The following EYA2 variants were observed in gnomAD, a reference collection of about 807,000 sequenced individuals.
EYA2 encodes protein phosphatase EYA2.
A neutral mutation model predicts 69.2 loss-of-function variants in EYA2; 31 were observed. The observed-to-expected ratio is 0.45, with a 90% CI of 0.34 to 0.60. The LOEUF (loss-of-function observed/expected upper bound fraction) is 0.60, where lower values mean the gene tolerates loss of function less well. EYA2 is among the 20% of genes least tolerant of loss of function. EYA2 has a pLI of 0.02. For synonymous variants in EYA2, 257 were observed against 279.4 expected, an observed-to-expected ratio of 0.92 and a Z score of 0.80; for missense variants, 622 against 701.2, an observed-to-expected ratio of 0.89 and a Z score of 1.28.
At chr20:47,009,517 T>G (rs1172868114) in intron 4 of EYA2, among the ~76,000 whole-genome samples, 1 of 152,250 alleles carries the variant, frequency 6.6e-6, no homozygotes, top group Non-Finnish European at 1.5e-5. Flanking sequence ...ACCTATGAAC[T>G]GACCATTCAA....
At position 47,074,268 on chromosome 20, in the gene EYA2, C is replaced by T; in HGVS notation, c.594C>T (p.Ser198=). ...PASSICPSPL[S]TSTYVLQEAS... ...GCAGCATCTGCCCTTCGCCCCTCTC[C>T]ACGTCCACCTACGTCCTCCAGGAGG... The change falls in exon 7 of 16, where the codon TCC becomes TCT. Residue 198 remains serine, a synonymous_variant. Transcript: ENST00000327619. The T allele has an allele frequency of 1.9e-6, 3 of 1,614,152 alleles. No homozygotes were observed. The highest frequency in any genetic ancestry group is 2.5e-6 in the Non-Finnish European group (3 of 1,180,020).
rs2146328260 is a variant in EYA2 at position 46,990,134 on chromosome 20, G to A, written c.109+15G>A. 6.8e-7 allele frequency: 1 copy of A among 1,475,002 alleles called. No homozygotes were observed. The highest frequency in any genetic ancestry group is 2.3e-5 in the East Asian group (1 of 43,900). The allele number at this position is 1,475,002 out of a possible 1,614,324, so 91.4% of individuals were successfully genotyped here. On this transcript the variant is annotated intron_variant, in intron 2 of 15. Coordinates refer to ENST00000327619, the MANE Select transcript of EYA2 (RefSeq NM_005244.5). Reference sequence around the variant, plus strand: ...TGACAGACAAGGTAGGCTTCCTGCTGTGAGTTTGGGTCAACAGGTGTGGTG... The same window carrying A: ...TGACAGACAAGGTAGGCTTCCTGCTATGAGTTTGGGTCAACAGGTGTGGTG...
intron 11 of EYA2, among the ~76,000 whole-genome samples, chr20:47,171,981 T>C (rs1466269729): frequency 6.6e-6 from 1 of 151,706 alleles, no homozygotes. Flanking sequence ...TAATCCCAGC[T>C]ACTTGGGAGG....
intron 7 of EYA2, 62 bp from the exon 8 acceptor site, chr20:47,089,177 T>C (rs2031991097): frequency 6.3e-7 from 1 of 1,586,858 alleles, no homozygotes; most frequent in Admixed American, 1.7e-5. Context: ...GTTGGGATAT[T>C]TCCCAGGAGG....
Position 47,119,746 on chromosome 20 carries a change from G to A in EYA2, c.888+22578G>A, listed in dbSNP as rs189112433. 2.6e-3 allele frequency among the ~76,000 whole-genome samples: 400 copies of A among 152,232 alleles called. 4 individuals carry two copies. Among genetic ancestry groups the A allele is most frequent in the African/African-American group, 9.0e-3 (372 of 41,542 alleles). ...TTGGACCTAGGTGGAGGTGGTGGGT[G>A]CACAACATTGTACCCTAGATTCCAC... On this transcript the variant is annotated intron_variant, in intron 9 of 15. Coordinates refer to ENST00000327619, the MANE Select transcript of EYA2 (RefSeq NM_005244.5).
At chr20:47,133,765 G>A (rs1458917674) in intron 9 of EYA2, among the ~76,000 whole-genome samples, 1 of 152,198 alleles carries the variant, frequency 6.6e-6, no homozygotes, top group East Asian at 1.9e-4. Context: ...GCAACAATGT[G>A]TGCGAACACA....
chr20:47,149,198 A>G (rs1041241212), intron 10 of EYA2, among the ~76,000 whole-genome samples: 1 of 151,320 alleles, frequency 6.6e-6, no homozygotes, highest in African/African-American at 2.5e-5. Flanking sequence ...AGTGTGATTA[A>G]AGATGATTCC....
chr20:47,106,170 T>C (rs150395244), intron 9 of EYA2, among the ~76,000 whole-genome samples: 54 of 152,310 alleles, frequency 3.5e-4, no homozygotes, highest in African/African-American at 1.3e-3. Context: ...AGAAAAATGT[T>C]TTGATAAGTG....
At chr20:46,969,295 G>T (rs761865492) in intron 1 of EYA2, among the ~76,000 whole-genome samples, 1 of 151,862 alleles carries the variant, frequency 6.6e-6, no homozygotes, top group Non-Finnish European at 1.5e-5. Context: ...TTGGCTCACT[G>T]CAACCTCCGC....
intron 5 of EYA2, among the ~76,000 whole-genome samples, chr20:47,021,401 C>T (rs1350907399): frequency 5.3e-5 from 8 of 151,852 alleles, no homozygotes; most frequent in African/African-American, 1.5e-4. Context: ...CTGAGGCGGG[C>T]GGATCATCTG....
At chr20:47,099,111 T>C (rs536989817) in intron 9 of EYA2, among the ~76,000 whole-genome samples, 7 of 152,310 alleles carry the variant, frequency 4.6e-5, no homozygotes, top group African/African-American at 1.7e-4. Context: ...CCGTGGGCAG[T>C]TGGGGCTAAG....
At chr20:46,923,160 G>A (rs953793138) in intron 1 of EYA2, among the ~76,000 whole-genome samples, 2 of 152,180 alleles carry the variant, frequency 1.3e-5, no homozygotes, top group Non-Finnish European at 2.9e-5. Flanking sequence ...TTGAGGCCAG[G>A]AGTTTGAAAC....
At chr20:46,999,394 G>A (rs546229515) in intron 2 of EYA2, among the ~76,000 whole-genome samples, 23 of 152,130 alleles carry the variant, frequency 1.5e-4, no homozygotes, top group Admixed American at 3.9e-4. Flanking sequence ...TCAGCATTGA[G>A]TGAGCACCTA....
intron 5 of EYA2, among the ~76,000 whole-genome samples, chr20:47,026,892 C>G (rs757829797): frequency 6.6e-6 from 1 of 152,234 alleles, no homozygotes; most frequent in Non-Finnish European, 1.5e-5. Flanking sequence ...AATGTGAAAT[C>G]TCCTTATTCT....
At chr20:46,984,497 A>G (rs1468360456) in intron 1 of EYA2, among the ~76,000 whole-genome samples, 1 of 152,238 alleles carries the variant, frequency 6.6e-6, no homozygotes, top group Non-Finnish European at 1.5e-5. Flanking sequence ...CAAACTCACT[A>G]GTAATCCTAG....
chr20:47,039,643 G>T (rs1984925521), intron 5 of EYA2, among the ~76,000 whole-genome samples: 1 of 152,118 alleles, frequency 6.6e-6, no homozygotes, highest in South Asian at 2.1e-4. Context: ...TGAGATCAGT[G>T]CAGTATTCTC....
chr20:47,137,622 T>C (rs961871670), intron 9 of EYA2, among the ~76,000 whole-genome samples: 1 of 152,182 alleles, frequency 6.6e-6, no homozygotes, highest in African/African-American at 2.4e-5. Context: ...ATGGAATATT[T>C]ATGGTTTATA....
At chr20:47,048,721 G>A (rs1242005921) in intron 5 of EYA2, among the ~76,000 whole-genome samples, 1 of 152,208 alleles carries the variant, frequency 6.6e-6, no homozygotes, top group East Asian at 1.9e-4. Flanking sequence ...TGGGCGACAA[G>A]AGTGAAACTC....
At chr20:47,033,159 A>G (rs1275192536) in intron 5 of EYA2, among the ~76,000 whole-genome samples, 1 of 152,154 alleles carries the variant, frequency 6.6e-6, no homozygotes, top group African/African-American at 2.4e-5. Context: ...CCTGACCTTT[A>G]GGTCAGTGGA....
Sources: allele counts gnomAD v4.1 joint callset (sites outside exome capture counted in the v4.1 genomes callset), GRCh38; gene constraint gnomAD v4.1.1; transcripts MANE v1.5; gene names NCBI Gene and HGNC (gene_info 2026-07-23, HGNC 2026-07-21).